Variants in NAPA observed in about 807,000 individuals in gnomAD.
NAPA encodes alpha-soluble NSF attachment protein.
In NAPA, 18 loss-of-function variants were observed where a neutral mutation model predicts 48.0. The observed-to-expected ratio is 0.38, with a 90% confidence interval of 0.26 to 0.56. The LOEUF is 0.56. Ranked by LOEUF, NAPA falls within the 20% of genes least tolerant of loss-of-function variation. NAPA has a pLI of 0.77. For missense variants in NAPA, 315 were observed against 385.0 expected, an observed-to-expected ratio of 0.82 and a Z score of 1.52; for synonymous variants, 152 against 149.9, an observed-to-expected ratio of 1.01 and a Z score of -0.10.
At chr19:47,501,143 T>G (rs1395177543) in intron 2 of NAPA, among the ~76,000 whole-genome samples, 2 of 151,984 alleles carry the variant, frequency 1.3e-5, no homozygotes, top group Non-Finnish European at 2.9e-5. Flanking sequence ...AGAAGGCAGA[T>G]AGAGCTGAGT....
chr19:47,510,881 G>A (rs1968792725), intron 1 of NAPA, among the ~76,000 whole-genome samples: 2 of 152,224 alleles, frequency 1.3e-5, no homozygotes, highest in African/African-American at 2.4e-5. Context: ...CATCACCAAG[G>A]GGAGGAACAG....
At chr19:47,491,826 G>C (rs532181336) in intron 8 of NAPA, among the ~76,000 whole-genome samples, 189 bp downstream of exon 8, 1 of 152,340 alleles carries the variant, frequency 6.6e-6, no homozygotes, top group East Asian at 1.9e-4. Flanking sequence ...AAAGCCTCCA[G>C]GGCTGGGTGG....
At chr19:47,501,627 G>T (rs993740928) in intron 2 of NAPA, 2 of 152,272 alleles carry the variant, frequency 1.3e-5, no homozygotes, top group Non-Finnish European at 2.9e-5. Context: ...AGAAGAGACC[G>T]TGCCTGAAGC....
intron 8 of NAPA, among the ~76,000 whole-genome samples, chr19:47,491,726 A>G (rs995023376): frequency 7.9e-5 from 12 of 152,178 alleles, no homozygotes; most frequent in African/African-American, 2.9e-4. Context: ...CGCGGTGACA[A>G]TGGTGCTGAC....
chr19:47,487,151 C>G (rs1270952752), downstream of NAPA, among the ~76,000 whole-genome samples: 1 of 152,178 alleles, frequency 6.6e-6, no homozygotes, highest in Non-Finnish European at 1.5e-5. Flanking sequence ...CTCCCCAGAC[C>G]CACTCGGGCC....
At chr19:47,499,726 T>C (rs61516012) in intron 3 of NAPA, among the ~76,000 whole-genome samples, 18 of 152,368 alleles carry the variant, frequency 1.2e-4, no homozygotes, top group African/African-American at 3.8e-4. Context: ...CAAAGGGGTA[T>C]GCCAGCAGTT....
intron 1 of NAPA, among the ~76,000 whole-genome samples, chr19:47,514,553 C>T (rs1235050983): frequency 1.3e-5 from 2 of 152,194 alleles, no homozygotes; most frequent in East Asian, 3.9e-4. Context: ...GGCCTGTCTT[C>T]GGCCTGGGTC....
At position 47,492,113 on chromosome 19, in the gene NAPA, TC is replaced by T; in HGVS notation, c.567del (p.Thr190ProfsTer54). Reference protein sequence around the residue: ...QKAIDIYEQVGTNAMDSPLLK... With the variant: ...QKAIDIYEQVXTNAMDSPLLK... ...AGGAGGGGGCTGTCCATGGCATTGG[TC>T]CCCACCTGTAGCCATGGAGAAGTGG... On this transcript the variant is annotated frameshift_variant, in exon 8 of 11. Coordinates refer to ENST00000263354, the MANE Select transcript of NAPA (RefSeq NM_003827.4). LOFTEE classifies it high-confidence loss of function. 3 of 1,613,594 alleles carry T rather than the reference TC, an allele frequency of 1.9e-6. No individual in the cohort carries two copies. The highest frequency in any genetic ancestry group is 2.5e-6 in the Non-Finnish European group (3 of 1,179,694).
chr19:47,486,069 A>C (rs942104401), downstream of NAPA, among the ~76,000 whole-genome samples: 1 of 152,152 alleles, frequency 6.6e-6, no homozygotes, highest in African/African-American at 2.4e-5. Context: ...AAACAAACCA[A>C]AACAGGCCGG....
chr19:47,505,390 G>A (rs1156332626), intron 1 of NAPA: 5 of 152,178 alleles, frequency 3.3e-5, no homozygotes, highest in Admixed American at 6.5e-5. Flanking sequence ...AGGTAATTTT[G>A]GGAGCTGGGA....
At chr19:47,500,390 T>C (rs1310203610) in intron 3 of NAPA, among the ~76,000 whole-genome samples, 1 of 152,174 alleles carries the variant, frequency 6.6e-6, no homozygotes, top group Non-Finnish European at 1.5e-5. Context: ...GGTGATCAGC[T>C]GCACCGACAC....
chr19:47,493,882 T>G lies in NAPA; in HGVS notation c.343-389A>C, dbSNP rs895564801. The stretch of plus-strand genomic sequence containing the variant: ...GCGGAAGGACCAGTCCAGAGCCACT[T>G]GGCAAAGGGCTCTGGAGAAACCAGG... On this transcript the variant is annotated intron_variant, in intron 4 of 10. Transcript: ENST00000263354. The surrounding 1 kb of genome is among the most constrained non-coding windows in gnomAD (Gnocchi z 6.4). 2.0e-5 allele frequency among the ~76,000 whole-genome samples: 3 copies of G among 152,156 alleles called. No individual in the cohort carries two copies. The highest frequency in any genetic ancestry group is 7.2e-5 in the African/African-American group (3 of 41,432).
At position 47,493,862 on chromosome 19, in the gene NAPA, A is replaced by C. The variant is rs557291439; in HGVS notation, c.343-369T>G. ...CTCTGATAACAGCCAGAGAGGCGGAAGGACCAGTCCAGAGCCACTTGGCAA... is the reference window on the plus strand; with the variant it reads ...CTCTGATAACAGCCAGAGAGGCGGACGGACCAGTCCAGAGCCACTTGGCAA... On this transcript the variant is annotated intron_variant, in intron 4 of 10. Coordinates refer to ENST00000263354, the MANE Select transcript of NAPA (RefSeq NM_003827.4). This position sits in a 1 kb window ranked among gnomAD's most constrained non-coding sequence, Gnocchi z 6.4. Among the ~76,000 whole-genome samples, 43 of 152,306 alleles carry C rather than the reference A, an allele frequency of 2.8e-4. No individual in the cohort carries two copies. The East Asian group carries it at 8.1e-3, about 29-fold the overall frequency.
rs1364221345 is a variant in NAPA, at chr19:47,492,978, T to C, written c.544A>G (p.Ile182Val). ...GTCCCCACCTGTTCGTAGATGTCAA[T>C]GGCCTTCTGATACTGCTCCAGCAGC... Reference protein sequence around the residue: ...AALLEQYQKAIDIYEQVGTNA... With the variant: ...AALLEQYQKAVDIYEQVGTNA... The change falls in exon 7 of 11, where the codon ATT (isoleucine) becomes GTT (valine). Residue 182 changes from isoleucine to valine, a missense_variant. Physicochemically the swap from Ile to Val is conservative, Grantham distance 29. Around this residue, in one of 3 missense-constraint regions of NAPA, gnomAD observed 137 missense variants for 150.1 expected, o/e 0.91. Coordinates refer to ENST00000263354, the MANE Select transcript of NAPA (RefSeq NM_003827.4). 109 of 1,614,012 alleles carry C rather than the reference T, an allele frequency of 6.8e-5. No homozygotes were observed. The highest frequency in any genetic ancestry group is 8.7e-5 in the Non-Finnish European group (103 of 1,180,014).
At chr19:47,514,390 C>T (rs1968864725) in intron 1 of NAPA, among the ~76,000 whole-genome samples, 2 of 152,122 alleles carry the variant, frequency 1.3e-5, no homozygotes, top group African/African-American at 4.8e-5. Context: ...CAGGCCCCAT[C>T]ACTGCCGCCT....
chr19:47,500,658 G>A lies in NAPA; in HGVS notation c.270C>T (p.Asn90=), dbSNP rs150356314. The A allele has an allele frequency of 2.5e-4, 400 of 1,610,622 alleles. No homozygotes were observed. Among genetic ancestry groups the A allele is most frequent in the Non-Finnish European group, 3.2e-4 (379 of 1,178,472 alleles). The change falls in exon 3 of 11, where the codon AAC becomes AAT. Residue 90 remains asparagine (N), a synonymous_variant. Coordinates refer to ENST00000263354, the MANE Select transcript of NAPA (RefSeq NM_003827.4). Reference sequence around the variant, plus strand: ...CTTGGGGGTCGGCTTTCTTGAATGCGTTGCCAGCGTCCACAAAGCAGGTGG... The same window carrying A: ...CTTGGGGGTCGGCTTTCTTGAATGCATTGCCAGCGTCCACAAAGCAGGTGG... The part of the protein sequence containing the change: ...DAATCFVDAG[N]AFKKADPQEA...
rs564754124 is a variant in NAPA at position 47,501,968 on chromosome 19, C to T, written c.179-1219G>A. ...ATTTGAGTATAAAATTACGGCCAGGCGCGGTGGCTCATGCCTGTAATCCCA... is the reference window on the plus strand; with the variant it reads ...ATTTGAGTATAAAATTACGGCCAGGTGCGGTGGCTCATGCCTGTAATCCCA... On this transcript the variant is annotated intron_variant, in intron 2 of 10. Coordinates refer to ENST00000263354, the MANE Select transcript of NAPA (RefSeq NM_003827.4). 1.5e-3 allele frequency among the ~76,000 whole-genome samples: 225 copies of T among 152,078 alleles called. 1 individual carries two copies. Among genetic ancestry groups the T allele is most frequent in the African/African-American group, 4.8e-3 (201 of 41,480 alleles).
chr19:47,490,670 C>CAA, intron 9 of NAPA, 118 bp downstream of exon 9: 1 of 866,672 alleles, frequency 1.2e-6, no homozygotes, highest in Non-Finnish European at 1.8e-6. Context: ...CAAAACAAAA[C>CAA]AAAACAAAGA....
At chr19:47,507,612 T>A (rs1472604609) in intron 1 of NAPA, among the ~76,000 whole-genome samples, 2 of 152,130 alleles carry the variant, frequency 1.3e-5, no homozygotes, top group African/African-American at 4.8e-5. Flanking sequence ...CTGCCCCAAG[T>A]CTCCAGTCAG....
Sources: gnomAD v4.1 joint callset for allele counts (sites outside exome capture counted in the v4.1 genomes callset) on GRCh38, gnomAD v4.1.1 for gene constraint, gnomAD v4.1.1 regional missense constraint, Gnocchi (gnomAD v3.1) non-coding constraint, MANE v1.5 for transcripts, NCBI Gene and HGNC (gene_info 2026-07-23, HGNC 2026-07-21) for gene names.